MTMR7: variants seen among roughly 807,000 people sequenced by gnomAD.
The protein encoded by MTMR7 is myotubularin related protein 7, also known as phosphatidylinositol-3-phosphate phosphatase MTMR7.
In MTMR7, 76 loss-of-function variants were observed where a neutral mutation model predicts 81.2. That is an observed-to-expected ratio of 0.94 (90% CI 0.78 to 1.13). MTMR7 has a LOEUF of 1.13. Ranked by LOEUF, MTMR7 falls within the 50% of genes most tolerant of loss-of-function variation. MTMR7 has a pLI of 0.00. For synonymous variants in MTMR7, 372 were observed against 289.8 expected (o/e 1.28, Z -2.88); for missense variants, 1,044 against 820.0 (o/e 1.27, Z -3.34).
chr8:17,356,763 T>C (rs1395943140), intron 4 of MTMR7, among the ~76,000 whole-genome samples: 1 of 152,030 alleles, frequency 6.6e-6, no homozygotes, highest in Non-Finnish European at 1.5e-5. Flanking sequence ...TGTATGCTAT[T>C]AAATCCACAG....
intron 5 of MTMR7, among the ~76,000 whole-genome samples, chr8:17,343,361 CAG>C (rs767139208): frequency 1.3e-5 from 2 of 151,952 alleles, no homozygotes; most frequent in African/African-American, 2.4e-5. Flanking sequence ...ACCCGACAGG[CAG>C]AGTTTGCAGT....
At chr8:17,369,004 C>T (rs1469833577) in intron 3 of MTMR7, among the ~76,000 whole-genome samples, 1 of 152,256 alleles carries the variant, frequency 6.6e-6, no homozygotes, top group African/African-American at 2.4e-5. Flanking sequence ...CTCGCTATCT[C>T]TGGGCCATGA....
intron 1 of MTMR7, among the ~76,000 whole-genome samples, chr8:17,409,344 C>T (rs1821679061): frequency 6.6e-6 from 1 of 152,024 alleles, no homozygotes; most frequent in Non-Finnish European, 1.5e-5. Flanking sequence ...CTTGTAGCCC[C>T]AGCTACTCGG....
Position 17,297,279 on chromosome 8 carries a change from A to G in MTMR7, c.*2583T>C, listed in dbSNP as rs1302137498. ...AATAGAAGAAAATTCTAAATCAATC[A>G]ATCAGTGAGATATAAACTAAACAGA... On this transcript the variant is annotated 3_prime_UTR_variant, in exon 14 of 14. Coordinates refer to ENST00000180173, the MANE Select transcript of MTMR7 (RefSeq NM_004686.5). 1 of 152,152 alleles carries G rather than the reference A, an allele frequency of 6.6e-6. No homozygotes were observed. Among genetic ancestry groups the G allele is most frequent in the African/African-American group, 2.4e-5 (1 of 41,458 alleles). 9.4% of individuals were successfully genotyped at this position (152,152 alleles called of 1,614,324 possible).
At chr8:17,353,684 T>G (rs969521204) in intron 4 of MTMR7, among the ~76,000 whole-genome samples, 13 of 152,322 alleles carry the variant, frequency 8.5e-5, no homozygotes, top group African/African-American at 3.1e-4. Context: ...AAAATGTTTT[T>G]CTCCTGAATT....
intron 1 of MTMR7, among the ~76,000 whole-genome samples, chr8:17,381,744 C>G (rs1236225846): frequency 6.6e-6 from 1 of 152,146 alleles, no homozygotes; most frequent in Non-Finnish European, 1.5e-5. Context: ...CTGCAGCAGC[C>G]AAAACCAAAG....
chr8:17,408,476 C>G (rs17503311), intron 1 of MTMR7, among the ~76,000 whole-genome samples: 6,793 of 151,072 alleles, frequency 0.045, 255 homozygotes, highest in Non-Finnish European at 0.069. Flanking sequence ...CTTTGATGAG[C>G]TCTTTGGCGA....
At chr8:17,403,475 G>A (rs775843367) in intron 1 of MTMR7, among the ~76,000 whole-genome samples, 12 of 151,966 alleles carry the variant, frequency 7.9e-5, no homozygotes, top group African/African-American at 1.9e-4. Context: ...TTTTGGTTAC[G>A]GTAGCTCTGT....
intron 8 of MTMR7, 49 bp downstream of exon 8, chr8:17,313,243 A>G (rs754882179): frequency 7.2e-7 from 1 of 1,384,796 alleles, no homozygotes; most frequent in Non-Finnish European, 1.0e-6. Flanking sequence ...TTTTGAAGTC[A>G]GTGGTTTGCT....
chr8:17,343,721 T>C (rs1010710841), intron 5 of MTMR7, among the ~76,000 whole-genome samples: 4 of 152,236 alleles, frequency 2.6e-5, no homozygotes, highest in Admixed American at 6.5e-5. Context: ...TTAAACAGAC[T>C]ACATTTTTGG....
At position 17,300,123 on chromosome 8, in the gene MTMR7, G is replaced by A; in HGVS notation, c.1722C>T (p.Ser574=). The A allele has an allele frequency of 6.2e-7, 1 of 1,614,124 alleles. No homozygotes were observed. Residue 574 remains serine (S), a synonymous_variant, in exon 14 of 14, where the codon AGC becomes AGT. Coordinates refer to ENST00000180173, the MANE Select transcript of MTMR7 (RefSeq NM_004686.5). ...KHSGFSTSDN[S]IANTPQDYSG... ...TGTAATCCTGGGGAGTGTTGGCTAT[G>A]CTGTTGTCTGAGGTAGAAAACCCTG...
intron 1 of MTMR7, among the ~76,000 whole-genome samples, chr8:17,399,086 T>C (rs182597536): frequency 1.5e-4 from 23 of 152,162 alleles, no homozygotes; most frequent in Non-Finnish European, 2.4e-4. Context: ...AGCATGCTCA[T>C]TGTCACTACA....
intron 7 of MTMR7, among the ~76,000 whole-genome samples, chr8:17,321,202 A>G (rs1025810697): frequency 6.6e-5 from 10 of 152,210 alleles, no homozygotes; most frequent in Non-Finnish European, 1.5e-4. Context: ...AAAAATAAAG[A>G]CACTGGGCTT....
intron 4 of MTMR7, among the ~76,000 whole-genome samples, chr8:17,354,187 A>T (rs569028581): frequency 6.6e-6 from 1 of 152,322 alleles, no homozygotes; most frequent in Admixed American, 6.5e-5. Context: ...TCAGTGCTAA[A>T]ATTTATTTCA....
At chr8:17,396,635 C>G (rs935820893) in intron 1 of MTMR7, among the ~76,000 whole-genome samples, 3 of 152,074 alleles carry the variant, frequency 2.0e-5, no homozygotes, top group Non-Finnish European at 2.9e-5. Context: ...CTCGGTAAAT[C>G]TGAAAGGCAA....
At chr8:17,383,111 G>A (rs1820814000) in intron 1 of MTMR7, among the ~76,000 whole-genome samples, 1 of 151,976 alleles carries the variant, frequency 6.6e-6, no homozygotes, top group Non-Finnish European at 1.5e-5. Flanking sequence ...CCAGGGAAGG[G>A]AGCCGCTCTT....
At chr8:17,402,773 T>G (rs1000997602) in intron 1 of MTMR7, among the ~76,000 whole-genome samples, 3 of 152,358 alleles carry the variant, frequency 2.0e-5, no homozygotes, top group African/African-American at 4.8e-5. Flanking sequence ...GTAGTGGGCT[T>G]GCTGGATTGT....
intron 6 of MTMR7, among the ~76,000 whole-genome samples, chr8:17,340,046 T>TGTTCAAGCGATTCTCCCGC (rs1819359567): frequency 1.3e-5 from 2 of 152,166 alleles, no homozygotes; most frequent in African/African-American, 4.8e-5. Flanking sequence ...CCGCCTCCCG[T>TGTTCAAGCGATTCTCCCGC]GTTCAAGCGA....
intron 13 of MTMR7, chr8:17,301,903 T>C: frequency 4.5e-6 from 2 of 442,060 alleles, no homozygotes; most frequent in Admixed American, 4.1e-5. Context: ...ACCAAACAAG[T>C]TGACCTAAAA....
Sources: allele counts gnomAD v4.1 joint callset (sites outside exome capture counted in the v4.1 genomes callset), GRCh38; gene constraint gnomAD v4.1.1; transcripts MANE v1.5; gene names NCBI Gene and HGNC (gene_info 2026-07-23, HGNC 2026-07-21).